TIA1: variants seen among roughly 807,000 people sequenced by gnomAD.
TIA1 encodes TIA1 cytotoxic granule associated RNA binding protein, also known as cytotoxic granule associated RNA binding protein TIA1.
TIA1 carries 23 observed loss-of-function variants against 65.9 expected under a neutral mutation model. That is an observed-to-expected ratio of 0.35 (90% confidence interval 0.25 to 0.49). The LOEUF is 0.49. Among genes scored for constraint, TIA1 ranks in the 20% least tolerant of loss-of-function variants. The pLI, the probability that TIA1 is intolerant of heterozygous loss-of-function variation, is 0.98. For missense variants in TIA1, 371 were observed against 477.9 expected, an observed-to-expected ratio of 0.78 and a Z score of 2.09; for synonymous variants, 147 against 149.4, an observed-to-expected ratio of 0.98 and a Z score of 0.12.
rs748818634 is a variant in TIA1 at position 70,215,530 on chromosome 2, T to C, written c.765-36A>G. The C allele has an allele frequency of 1.9e-6, 3 of 1,557,810 alleles. No homozygotes were observed. The Admixed American group carries it at 5.7e-5, about 29-fold the overall frequency. Reference sequence around the variant, plus strand: ...CAATATTAAGAATCACCAATACAAATTCTTTTAAATATTTATGAATAAAAC... The same window carrying C: ...CAATATTAAGAATCACCAATACAAACTCTTTTAAATATTTATGAATAAAAC... On this transcript the variant is annotated intron_variant, in intron 10 of 12. Coordinates refer to ENST00000433529, the MANE Select transcript of TIA1 (RefSeq NM_022173.4).
intron 1 of TIA1, among the ~76,000 whole-genome samples, chr2:70,245,691 T>C (rs552513758): frequency 6.6e-6 from 1 of 152,324 alleles, no homozygotes; most frequent in Non-Finnish European, 1.5e-5. Context: ...TCTTGCAGTA[T>C]AAACTTTCGG....
intron 1 of TIA1, among the ~76,000 whole-genome samples, chr2:70,243,429 T>C (rs1692789567): frequency 6.6e-6 from 1 of 152,122 alleles, no homozygotes; most frequent in South Asian, 2.1e-4. Context: ...CCTATCTCAA[T>C]TAAAATAAAT....
intron 1 of TIA1, among the ~76,000 whole-genome samples, chr2:70,240,623 C>T (rs1455747098): frequency 6.6e-6 from 1 of 152,220 alleles, no homozygotes; most frequent in Non-Finnish European, 1.5e-5. Flanking sequence ...AATCCTAGCA[C>T]TTTGGGAGGC....
In TIA1 at chr2:70,236,156, T is replaced by C; in HGVS notation, c.46A>G (p.Arg16Gly). ...PKTLYVGNLS[R>G]DVTEALILQL... ...AGAATTAGAGCTTCTGTCACATCTC[T>C]GGAAAGGTTACCGACGTATCTGAAA... is the stretch of plus-strand genomic sequence containing the variant. Residue 16 changes from arginine to glycine, a missense_variant, in exon 2 of 13, where the codon AGA becomes GGA. Arg to Gly is a moderately radical substitution (Grantham distance 125, BLOSUM62 -2). Coordinates refer to ENST00000433529, the MANE Select transcript of TIA1 (RefSeq NM_022173.4). The C allele has an allele frequency of 1.9e-6, 3 of 1,611,144 alleles. No individual in the cohort carries two copies.
intron 12 of TIA1, among the ~76,000 whole-genome samples, chr2:70,213,546 G>A (rs542858980): frequency 3.6e-4 from 55 of 151,660 alleles, no homozygotes; most frequent in Middle Eastern, 6.8e-3. Context: ...ATGAGATTTC[G>A]CCATGTTGCC....
At chr2:70,223,743 A>T (rs1325680899) in intron 7 of TIA1, among the ~76,000 whole-genome samples, 1 of 151,756 alleles carries the variant, frequency 6.6e-6, no homozygotes, top group Non-Finnish European at 1.5e-5. Context: ...AAAAAAAAAA[A>T]TTAAAAAAAA....
intron 1 of TIA1, among the ~76,000 whole-genome samples, chr2:70,245,083 G>A (rs534919231): frequency 6.6e-5 from 10 of 152,128 alleles, no homozygotes; most frequent in South Asian, 2.1e-4. Flanking sequence ...CCTCCCGGGC[G>A]ATTCTCCTTC....
chr2:70,218,483 G>C (rs1679666783), intron 7 of TIA1, among the ~76,000 whole-genome samples: 1 of 152,200 alleles, frequency 6.6e-6, no homozygotes, highest in Non-Finnish European at 1.5e-5. Context: ...CCAGGCTGGA[G>C]TGCAGTGGCG....
intron 6 of TIA1, among the ~76,000 whole-genome samples, chr2:70,225,911 GTT>G (rs1484827040): frequency 6.6e-6 from 1 of 152,014 alleles, no homozygotes; most frequent in East Asian, 1.9e-4. Context: ...ACAGACCACT[GTT>G]TATTACACAT....
At chr2:70,229,381 T>C (rs540974704) in intron 3 of TIA1, 63 bp from the exon 4 acceptor site, 2 of 1,368,680 alleles carry the variant, frequency 1.5e-6, no homozygotes, top group South Asian at 1.2e-5. Flanking sequence ...CACATTTGTA[T>C]CTATAAACAC....
chr2:70,229,074 T>G lies in TIA1; in HGVS notation c.295A>C (p.Thr99Pro), dbSNP rs774896873. Residue 99 changes from threonine to proline, a missense_variant, in exon 5 of 13, where the codon ACA becomes CCA. By Grantham distance (38) the Thr-to-Pro change is conservative (BLOSUM62 -1). Transcript: ENST00000433529. ...ATACAATTACCTTGTGAACGCTGTG[T>G]GCTGACAACGGTACTACCTGATGAC... Reference protein sequence around the residue: ...KDTSSSTVVSTQRSQDHFHVF... With the variant: ...KDTSSSTVVSPQRSQDHFHVF... 2.5e-6 allele frequency: 4 copies of G among 1,612,830 alleles called. No individual in the cohort carries two copies. The South Asian group carries it at 4.4e-5, about 18-fold the overall frequency.
At position 70,248,336 on chromosome 2, in the gene TIA1, G is replaced by A. The variant is rs181193138; in HGVS notation, c.26+69C>T. The A allele has an allele frequency of 8.4e-6, 13 of 1,551,960 alleles. No homozygotes were observed. In the African/African-American group the frequency reaches 1.5e-4, roughly 18 times the overall value. ...CACGGAGAACAATAGGCTGGGAGCG[G>A]CGCAGGGCCGAGGCCTTCCCTCCGG... On this transcript the variant is annotated intron_variant, in intron 1 of 12. Transcript: ENST00000433529.
chr2:70,245,777 G>C (rs1028226358), intron 1 of TIA1, among the ~76,000 whole-genome samples: 5 of 152,144 alleles, frequency 3.3e-5, no homozygotes, highest in African/African-American at 4.8e-5. Flanking sequence ...ACTTAACATG[G>C]AGATGCCGAA....
intron 7 of TIA1, among the ~76,000 whole-genome samples, chr2:70,218,619 G>C (rs1328333834): frequency 6.6e-6 from 1 of 152,010 alleles, no homozygotes; most frequent in South Asian, 2.1e-4. Flanking sequence ...TTTTTTAGTA[G>C]AGACAGGGTT....
At chr2:70,213,650 C>G (rs1261863193) in intron 12 of TIA1, among the ~76,000 whole-genome samples, 2 of 149,872 alleles carry the variant, frequency 1.3e-5, no homozygotes, top group Non-Finnish European at 3.0e-5. Flanking sequence ...TGCCCAACCA[C>G]AAAATCCTTT....
intron 7 of TIA1, among the ~76,000 whole-genome samples, chr2:70,218,518 G>A (rs1034757958): frequency 4.6e-5 from 7 of 152,190 alleles, no homozygotes; most frequent in Admixed American, 1.3e-4. Flanking sequence ...TGCAAGCTCC[G>A]CCTCCTGGGT....
At chr2:70,227,694 G>T (rs549662891) in intron 6 of TIA1, 41 bp downstream of exon 6, 3 of 1,331,882 alleles carry the variant, frequency 2.3e-6, no homozygotes, top group South Asian at 2.7e-5. Flanking sequence ...ACATATAATT[G>T]TTTCTAATTA....
At chr2:70,224,756 T>C in intron 6 of TIA1, 127 bp from the exon 7 acceptor site, 1 of 1,432,224 alleles carries the variant, frequency 7.0e-7, no homozygotes, top group Non-Finnish European at 9.2e-7. Context: ...CAAATTCACC[T>C]TTTATTCTAC....
intron 1 of TIA1, among the ~76,000 whole-genome samples, chr2:70,240,609 C>G (rs1354182919): frequency 6.6e-6 from 1 of 152,180 alleles, no homozygotes; most frequent in Non-Finnish European, 1.5e-5. Flanking sequence ...TGGCTCAAGC[C>G]TGAAATCCTA....
Sources: gnomAD v4.1 joint callset for allele counts (sites outside exome capture counted in the v4.1 genomes callset) on GRCh38, gnomAD v4.1.1 for gene constraint, MANE v1.5 for transcripts, NCBI Gene and HGNC (gene_info 2026-07-23, HGNC 2026-07-21) for gene names.